Variants in PPP6C observed in about 807,000 individuals in gnomAD.
PPP6C encodes protein phosphatase 6 catalytic subunit, also known as serine/threonine-protein phosphatase 6 catalytic subunit.
In PPP6C, 11 loss-of-function variants were observed where a neutral mutation model predicts 39.8. That is an observed-to-expected ratio of 0.28 (90% CI 0.17 to 0.46). The LOEUF is 0.46. Among genes scored for constraint, PPP6C ranks in the 20% least tolerant of loss-of-function variants. The pLI, the probability that PPP6C is intolerant of heterozygous loss-of-function variation, is 1.00. For missense variants in PPP6C, 211 were observed against 373.9 expected (o/e 0.56, Z 3.59); for synonymous variants, 129 against 130.3 (o/e 0.99, Z 0.07).
intron 6 of PPP6C, among the ~76,000 whole-genome samples, chr9:125,150,299 A>G (rs1243717052): frequency 6.6e-6 from 1 of 152,220 alleles, no homozygotes; most frequent in Non-Finnish European, 1.5e-5. Context: ...ATTCTTTTGC[A>G]ACTTAAGGAA....
intron 4 of PPP6C, among the ~76,000 whole-genome samples, chr9:125,156,874 G>T (rs930862089): frequency 6.6e-6 from 1 of 151,764 alleles, no homozygotes; most frequent in African/African-American, 2.4e-5. Context: ...GTGGAATGGA[G>T]CGATCTTGGC....
intron 1 of PPP6C, among the ~76,000 whole-genome samples, chr9:125,171,414 A>C (rs1398232783): frequency 2.7e-5 from 4 of 149,490 alleles, no homozygotes; most frequent in African/African-American, 9.8e-5. Flanking sequence ...AGACAGCTTT[A>C]CAAGAACTGT....
At position 125,175,299 on chromosome 9, in the gene PPP6C, T is replaced by C. The variant is rs1428082984; in HGVS notation, c.76-4119A>G. Among the ~76,000 whole-genome samples, 3 of 152,170 alleles carry C rather than the reference T, an allele frequency of 2.0e-5. No homozygotes were observed. In the East Asian group the frequency reaches 5.8e-4, roughly 29 times the overall value. Reference sequence around the variant, plus strand: ...CCTTAAACTTTATACTGAAAGATGTTCTCGAAGGTTCCATCAGAATTATAA... The same window carrying C: ...CCTTAAACTTTATACTGAAAGATGTCCTCGAAGGTTCCATCAGAATTATAA... On this transcript the variant is annotated intron_variant, in intron 1 of 6. Coordinates refer to ENST00000373547, the MANE Select transcript of PPP6C (RefSeq NM_002721.5).
chr9:125,157,143 G>A (rs1311851629), intron 4 of PPP6C, among the ~76,000 whole-genome samples: 2 of 97,874 alleles, frequency 2.0e-5, no homozygotes, highest in Non-Finnish European at 4.0e-5. Context: ...CCCTACCAGT[G>A]CCCGGCTAAT....
intron 1 of PPP6C, 100 bp from the exon 2 acceptor site, chr9:125,171,280 C>G (rs1251546522): frequency 1.1e-6 from 1 of 874,468 alleles, no homozygotes; most frequent in African/African-American, 1.8e-5. Context: ...CTTACAAAAC[C>G]CAAGTATACT....
Position 125,148,324 on chromosome 9 carries a change from A to G in PPP6C, c.*1349T>C, listed in dbSNP as rs1241087133. ...AATTAATCATAGTAAAGGGATACCA[A>G]CTATTTCACAAAATGTACATTCCAA... On this transcript the variant is annotated 3_prime_UTR_variant, in exon 7 of 7. Transcript: ENST00000373547. 3 of 152,170 alleles carry G rather than the reference A, an allele frequency of 2.0e-5. No individual in the cohort carries two copies. The highest frequency in any genetic ancestry group is 7.2e-5 in the African/African-American group (3 of 41,452). 9.4% of individuals were successfully genotyped at this position (152,170 alleles called of 1,614,324 possible). A position where few individuals can be genotyped will look rare whatever the true frequency, so the allele number is the denominator to read the frequency against.
intron 6 of PPP6C, chr9:125,151,046 A>G: frequency 7.3e-7 from 1 of 1,369,626 alleles, no homozygotes; most frequent in Non-Finnish European, 1.0e-6. Flanking sequence ...TCTCAAATTC[A>G]GGGCTTTTTT....
At chr9:125,166,113 C>G (rs1310980125) in intron 2 of PPP6C, among the ~76,000 whole-genome samples, 1 of 152,050 alleles carries the variant, frequency 6.6e-6, no homozygotes, top group Non-Finnish European at 1.5e-5. Flanking sequence ...AGTCATCTTT[C>G]ATACCCTGTT....
chr9:125,174,336 C>G (rs984524383), intron 1 of PPP6C, among the ~76,000 whole-genome samples: 2 of 151,944 alleles, frequency 1.3e-5, no homozygotes, highest in Admixed American at 1.3e-4. Context: ...AAAAAGGGCT[C>G]CCAAAAGACA....
At chr9:125,153,443 G>A in intron 6 of PPP6C, 90 bp downstream of exon 6, 2 of 1,213,042 alleles carry the variant, frequency 1.6e-6, no homozygotes, top group African/African-American at 1.5e-5. Flanking sequence ...GAGTAAGCTA[G>A]ACTACAAGTT....
rs898284560 is a variant in PPP6C, at chr9:125,150,710, T to G, written c.670-789A>C. The G allele has an allele frequency of 5.9e-6, 5 of 850,944 alleles. No individual in the cohort carries two copies. In the African/African-American group the frequency reaches 8.6e-5, roughly 15 times the overall value. The allele number at this position is 850,944 out of a possible 1,614,324, so 52.7% of individuals were successfully genotyped here. A position where few individuals can be genotyped will look rare whatever the true frequency, so the allele number is the denominator to read the frequency against. On this transcript the variant is annotated intron_variant, in intron 6 of 6. Coordinates refer to ENST00000373547, the MANE Select transcript of PPP6C (RefSeq NM_002721.5). ...AGGGCTTATCTCAGAAAACTGCCGA[T>G]CGCCTGGGCCTGGAGCTCGGCAAGG... is the stretch of plus-strand genomic sequence containing the variant.
intron 2 of PPP6C, among the ~76,000 whole-genome samples, chr9:125,162,741 A>ACT (rs1828912424): frequency 6.8e-6 from 1 of 147,414 alleles, no homozygotes; most frequent in South Asian, 2.2e-4. Flanking sequence ...ACGCCACTGC[A>ACT]CTCTAGCCTG....
intron 6 of PPP6C, among the ~76,000 whole-genome samples, chr9:125,152,128 G>A (rs1473092761): frequency 2.0e-5 from 3 of 151,410 alleles, no homozygotes; most frequent in Non-Finnish European, 4.4e-5. Context: ...GGGGGTGGTT[G>A]AGGGGGGAGG....
intron 1 of PPP6C, among the ~76,000 whole-genome samples, chr9:125,186,716 C>A (rs1441982543): frequency 2.0e-5 from 3 of 151,606 alleles, no homozygotes. Flanking sequence ...TGCCACCACA[C>A]TACAGCATGG....
chr9:125,176,805 T>G (rs1406468307), intron 1 of PPP6C, among the ~76,000 whole-genome samples: 1 of 152,060 alleles, frequency 6.6e-6, no homozygotes, highest in African/African-American at 2.4e-5. Flanking sequence ...GACAGGGTAG[T>G]AGAAGTAGAA....
At chr9:125,154,906 T>A (rs1228463419) in intron 4 of PPP6C, among the ~76,000 whole-genome samples, 5 of 152,232 alleles carry the variant, frequency 3.3e-5, no homozygotes, top group Admixed American at 3.3e-4. Context: ...TAGTTTTTTG[T>A]TTTTGAGACA....
intron 6 of PPP6C, chr9:125,151,633 A>C: frequency 1.5e-6 from 1 of 652,324 alleles, no homozygotes; most frequent in South Asian, 1.4e-5. Context: ...AATCCACCCC[A>C]CCCCTTGTTT....
rs1835886947 is a variant in PPP6C, at chr9:125,149,501, T to C, written c.*172A>G. ...GAAAATTGATAGAAAAACTTTGCTA[T>C]AGACACCACAACAAACAATAAATTT... On this transcript the variant is annotated 3_prime_UTR_variant, in exon 7 of 7. Coordinates refer to ENST00000373547, the MANE Select transcript of PPP6C (RefSeq NM_002721.5). The C allele has an allele frequency of 8.6e-6, 7 of 817,044 alleles. No individual in the cohort carries two copies. The highest frequency in any genetic ancestry group is 3.5e-5 in the African/African-American group (2 of 57,054). 50.6% of individuals were successfully genotyped at this position (817,044 alleles called of 1,614,324 possible). A position where few individuals can be genotyped will look rare whatever the true frequency, so the allele number is the denominator to read the frequency against.
chr9:125,151,691 A>ACAAGCTG, intron 6 of PPP6C: 21 of 482,118 alleles, frequency 4.4e-5, no homozygotes, highest in Non-Finnish European at 7.0e-5. Context: ...AGCTTGCTCC[A>ACAAGCTG]GTGTAGCTTT....
Sources: allele counts gnomAD v4.1 joint callset (sites outside exome capture counted in the v4.1 genomes callset), GRCh38; gene constraint gnomAD v4.1.1; transcripts MANE v1.5; gene names NCBI Gene and HGNC (gene_info 2026-07-23, HGNC 2026-07-21).